Variants in CTNNA2 observed in about 807,000 individuals in gnomAD.
The protein encoded by CTNNA2 is catenin alpha 2.
A neutral mutation model predicts 101.0 loss-of-function variants in CTNNA2; 42 were observed. The observed-to-expected ratio is 0.42, with a 90% CI of 0.32 to 0.54. CTNNA2 has a LOEUF of 0.54. CTNNA2 is among the 20% of genes least tolerant of loss of function. The probability of loss-of-function intolerance (pLI) is 0.14; values close to 1 mark genes in which losing one functional copy is unlikely to be tolerated. For synonymous variants in CTNNA2, 450 were observed against 456.4 expected (o/e 0.99, Z 0.18); for missense variants, 871 against 1,223.1 (o/e 0.71, Z 4.29).
At chr2:80,645,081 C>T (rs1249868337) in intron 18 of CTNNA2, among the ~76,000 whole-genome samples, 1 of 152,154 alleles carries the variant, frequency 6.6e-6, no homozygotes, top group East Asian at 1.9e-4. Context: ...AGAGCAATAT[C>T]ATCTTGTTCT....
chr2:79,622,883 T>C (rs960466590), intron 1 of CTNNA2, among the ~76,000 whole-genome samples: 8 of 152,174 alleles, frequency 5.3e-5, no homozygotes, highest in East Asian at 1.9e-4. Flanking sequence ...AACTGAAATA[T>C]AGTACTTTGA....
chr2:79,535,583 T>A (rs1673007753), intron 1 of CTNNA2, among the ~76,000 whole-genome samples: 1 of 152,090 alleles, frequency 6.6e-6, no homozygotes. Context: ...TTTAAAAAAA[T>A]TATGCCCTTC....
At chr2:79,593,256 A>G (rs572665434) in intron 1 of CTNNA2, among the ~76,000 whole-genome samples, 1 of 152,300 alleles carries the variant, frequency 6.6e-6, no homozygotes, top group Admixed American at 6.5e-5. Context: ...CATGTTCAGC[A>G]TAATTCACTG....
At chr2:79,398,308 C>T (rs1678253504) in intron 4 of CTNNA2, among the ~76,000 whole-genome samples, 1 of 152,084 alleles carries the variant, frequency 6.6e-6, no homozygotes, top group Non-Finnish European at 1.5e-5. Flanking sequence ...TGACTCCCAA[C>T]ATCAGCTATT....
At chr2:80,313,234 G>T in intron 7 of CTNNA2, 1 of 346,742 alleles carries the variant, frequency 2.9e-6, no homozygotes, top group Non-Finnish European at 4.6e-6. Flanking sequence ...CTAGTTAGAT[G>T]CATTTATCTC....
intron 1 of CTNNA2, among the ~76,000 whole-genome samples, chr2:79,560,762 A>G (rs1674726557): frequency 6.6e-6 from 1 of 151,958 alleles, no homozygotes; most frequent in South Asian, 2.1e-4. Context: ...AGTTGTGAAT[A>G]TATCCTGGAA....
intron 9 of CTNNA2, among the ~76,000 whole-genome samples, chr2:80,537,878 C>T (rs551855976): frequency 8.2e-4 from 125 of 152,282 alleles, no homozygotes; most frequent in African/African-American, 2.6e-3. Flanking sequence ...CAAGCATGAG[C>T]CACCACACCC....
chr2:80,581,431 A>C lies in CTNNA2; in HGVS notation c.1894-275A>C, dbSNP rs1019920878. ...GGATGGGTGGAAATAATACACAGAT[A>C]TCATTTTTCTTAAAATTAGCATATC... On this transcript the variant is annotated intron_variant, in intron 13 of 18. Transcript: ENST00000402739. Among the ~76,000 whole-genome samples, 62 of 152,204 alleles carry C rather than the reference A, an allele frequency of 4.1e-4. 1 individual carries two copies. The highest frequency in any genetic ancestry group is 2.1e-4 in the Non-Finnish European group (14 of 68,036).
At chr2:80,618,986 C>G (rs567739159) in intron 17 of CTNNA2, 99 bp from the exon 18 acceptor site, 3 of 688,714 alleles carry the variant, frequency 4.4e-6, no homozygotes, top group Non-Finnish European at 6.6e-6. Flanking sequence ...TTACCCATTC[C>G]CTCTTCCACT....
intron 7 of CTNNA2, among the ~76,000 whole-genome samples, chr2:80,293,432 G>A (rs1675442857): frequency 6.6e-6 from 1 of 152,136 alleles, no homozygotes; most frequent in Non-Finnish European, 1.5e-5. Flanking sequence ...TTTTAAAGAG[G>A]ACTTTGGTTT....
At chr2:80,107,093 C>T (rs772855272) in intron 7 of CTNNA2, among the ~76,000 whole-genome samples, 1 of 152,174 alleles carries the variant, frequency 6.6e-6, no homozygotes, top group African/African-American at 2.4e-5. Flanking sequence ...GGCAGAGAAA[C>T]TCTAGGCAGA....
At chr2:79,594,989 A>C (rs1323396347) in intron 1 of CTNNA2, among the ~76,000 whole-genome samples, 1 of 151,868 alleles carries the variant, frequency 6.6e-6, no homozygotes, top group Non-Finnish European at 1.5e-5. Context: ...GTTTCCCCCA[A>C]GGTGCACTAC....
chr2:79,530,598 C>T (rs1424365542), intron 1 of CTNNA2, among the ~76,000 whole-genome samples: 1 of 151,908 alleles, frequency 6.6e-6, no homozygotes, highest in Non-Finnish European at 1.5e-5. Flanking sequence ...TTGCATAGAT[C>T]AGAGAGGTTA....
chr2:79,282,326 A>C lies in CTNNA2; in HGVS notation c.-405-30383A>C, dbSNP rs1397523519. Among the ~76,000 whole-genome samples, 3 of 152,030 alleles carry C rather than the reference A, an allele frequency of 2.0e-5. No homozygotes were observed. The East Asian group carries it at 5.8e-4, about 29-fold the overall frequency. On this transcript the variant is annotated intron_variant, in intron 2 of 21. Transcript: ENST00000466387. ...CAATGTGCAGGTTAGTTACATATGT[A>C]TACATGTGCCATGCTGGTGCGCTGC...
chr2:80,556,048 T>C (rs1179529840), intron 12 of CTNNA2, among the ~76,000 whole-genome samples, 155 bp downstream of exon 12: 2 of 152,232 alleles, frequency 1.3e-5, no homozygotes, highest in South Asian at 2.1e-4. Context: ...TCTTTGTTTT[T>C]TGAGTTTGAA....
chr2:79,916,124 C>T (rs1686186217), intron 7 of CTNNA2, among the ~76,000 whole-genome samples: 1 of 152,128 alleles, frequency 6.6e-6, no homozygotes, highest in Non-Finnish European at 1.5e-5. Context: ...AATGCAACTC[C>T]CTGAAGTCAG....
intron 7 of CTNNA2, among the ~76,000 whole-genome samples, chr2:80,366,354 G>C (rs1674931106): frequency 6.6e-6 from 1 of 152,176 alleles, no homozygotes. Flanking sequence ...ATTTGTCACT[G>C]TCAGTGCCTT....
chr2:80,606,414 C>CACACACACACACACACCCA lies in CTNNA2; in HGVS notation c.2296-1770_2296-1769insACACACACACACACACCCA, dbSNP rs1558638318. ...CACACACACACACACACACACACAC[C>CACACACACACACACACCCA]CCCCAGGATACATTTATTTTGAGAT... On this transcript the variant is annotated intron_variant, in intron 16 of 18. Coordinates refer to ENST00000402739, the MANE Select transcript of CTNNA2 (RefSeq NM_001282597.3). Among the ~76,000 whole-genome samples, 8 of 51,630 alleles carry CACACACACACACACACCCA rather than the reference C, an allele frequency of 1.5e-4. No individual in the cohort carries two copies. In the South Asian group the frequency reaches 2.1e-3, roughly 13 times the overall value. 33.9% of individuals were successfully genotyped at this position (51,630 alleles called of 152,430 possible). A position where few individuals can be genotyped will look rare whatever the true frequency, so the allele number is the denominator to read the frequency against.
intron 7 of CTNNA2, among the ~76,000 whole-genome samples, chr2:80,376,466 G>GAAA (rs5832451): frequency 4.8e-5 from 6 of 125,640 alleles, no homozygotes; most frequent in East Asian, 2.4e-4. Flanking sequence ...GTAGAAACAG[G>GAAA]AAAAAAAAAA....
Sources: allele counts gnomAD v4.1 joint callset (sites outside exome capture counted in the v4.1 genomes callset), GRCh38; gene constraint gnomAD v4.1.1; transcripts MANE v1.5; gene names NCBI Gene and HGNC (gene_info 2026-07-23, HGNC 2026-07-21).